Variants in METAP1 observed in about 807,000 individuals in gnomAD.
The protein encoded by METAP1 is methionyl aminopeptidase 1, also known as methionine aminopeptidase 1.
A neutral mutation model predicts 53.8 loss-of-function variants in METAP1; 28 were observed. The ratio of observed to expected loss-of-function variants is 0.52; its 90% CI spans 0.39 to 0.71. METAP1 has a LOEUF of 0.71. METAP1 is among the 30% of genes least tolerant of loss of function. The pLI is 0.00. For missense variants in METAP1, 389 were observed against 479.8 expected (o/e 0.81, Z 1.77); for synonymous variants, 181 against 165.7 (o/e 1.09, Z -0.71).
At chr4:99,058,284 T>TG (rs1727294373) in intron 10 of METAP1, among the ~76,000 whole-genome samples, 1 of 152,066 alleles carries the variant, frequency 6.6e-6, no homozygotes, top group African/African-American at 2.4e-5. Flanking sequence ...TTGAAGAGGG[T>TG]GGGTAGCTTG....
chr4:99,017,410 C>T (rs1723830794), intron 1 of METAP1, among the ~76,000 whole-genome samples: 1 of 152,262 alleles, frequency 6.6e-6, no homozygotes, highest in Non-Finnish European at 1.5e-5. Context: ...TCAGTTTCCT[C>T]AAGAGTTTCT....
At chr4:99,017,951 G>C (rs867397465) in intron 1 of METAP1, among the ~76,000 whole-genome samples, 2 of 152,172 alleles carry the variant, frequency 1.3e-5, no homozygotes, top group East Asian at 1.9e-4. Context: ...AAGATGAAAG[G>C]GTTTTTCTAA....
chr4:99,024,229 T>C (rs1283884829), intron 1 of METAP1, among the ~76,000 whole-genome samples: 3 of 152,190 alleles, frequency 2.0e-5, no homozygotes, highest in African/African-American at 4.8e-5. Flanking sequence ...GCTTGCTCAA[T>C]TGATCATGAC....
chr4:99,026,928 C>T, intron 1 of METAP1: 1 of 812,288 alleles, frequency 1.2e-6, no homozygotes, highest in Non-Finnish European at 1.5e-6. Context: ...GAAATACAAG[C>T]CCTTAGCTAA....
Position 99,004,048 on chromosome 4 carries a change from G to T in METAP1, c.114+8181G>T, listed in dbSNP as rs1050301194. Among the ~76,000 whole-genome samples, 4 of 152,268 alleles carry T rather than the reference G, an allele frequency of 2.6e-5. No individual in the cohort carries two copies. In the South Asian group the frequency reaches 8.3e-4, roughly 32 times the overall value. Reference sequence around the variant, plus strand: ...GGTTAATTTGCTAGAGCAGCTCACAGAACTCAGGAAAATACTTATTTTACT... The same window carrying T: ...GGTTAATTTGCTAGAGCAGCTCACATAACTCAGGAAAATACTTATTTTACT... On this transcript the variant is annotated intron_variant, in intron 1 of 10. Transcript: ENST00000296411.
At chr4:99,019,796 TA>T (rs1723977795) in intron 1 of METAP1, among the ~76,000 whole-genome samples, 1 of 152,240 alleles carries the variant, frequency 6.6e-6, no homozygotes, top group African/African-American at 2.4e-5. Context: ...CCTGGCCAAC[TA>T]TTGGTAACAA....
At position 99,048,785 on chromosome 4, in the gene METAP1, C is replaced by T; in HGVS notation, c.840C>T (p.Ala280=). ...RELGNIIQKH[A]QANGFSVVRS... ...TGGGAAACATTATCCAGAAGCATGC[C>T]CAAGCAAATGGGTTTTCAGTTGTTC... is the stretch of plus-strand genomic sequence containing the variant. Residue 280 remains alanine (A), a synonymous_variant, in exon 9 of 11, where the codon GCC becomes GCT. Coordinates refer to ENST00000296411, the MANE Select transcript of METAP1 (RefSeq NM_015143.3). The T allele has an allele frequency of 1.2e-6, 2 of 1,613,920 alleles. No homozygotes were observed. Among genetic ancestry groups the T allele is most frequent in the Non-Finnish European group, 1.7e-6 (2 of 1,179,852 alleles).
At chr4:99,028,592 T>C (rs992902416) in intron 1 of METAP1, among the ~76,000 whole-genome samples, 22 of 152,220 alleles carry the variant, frequency 1.4e-4, no homozygotes, top group Non-Finnish European at 2.1e-4. Flanking sequence ...TACTTCGTAA[T>C]AGTTTGTTGA....
chr4:99,033,441 T>G (rs1464395569), intron 2 of METAP1, among the ~76,000 whole-genome samples: 5 of 152,180 alleles, frequency 3.3e-5, no homozygotes, highest in African/African-American at 1.2e-4. Context: ...GAGTTTTATT[T>G]TACTATGTGA....
In METAP1 at chr4:99,035,393, T is replaced by G; in HGVS notation, c.280-7T>G. 1 of 1,542,038 alleles carries G rather than the reference T, an allele frequency of 6.5e-7. No homozygotes were observed. Among genetic ancestry groups the G allele is most frequent in the Non-Finnish European group, 8.8e-7 (1 of 1,138,602 alleles). On this transcript the variant is annotated splice_polypyrimidine_tract_variant and splice_region_variant and intron_variant, in intron 3 of 10. Transcript: ENST00000296411. ...GGTAAATCAGTTTTAACTAACTTTG[T>G]TTTTAGATGCCAACAAGGCCAGTGC...
At chr4:99,039,343 T>C in intron 4 of METAP1, 31 bp from the exon 5 acceptor site, 2 of 1,315,022 alleles carry the variant, frequency 1.5e-6, no homozygotes, top group South Asian at 2.4e-5. Flanking sequence ...TTGCATTCAT[T>C]TTGGTTTTAC....
intron 1 of METAP1, among the ~76,000 whole-genome samples, chr4:99,018,481 T>A (rs1038302270): frequency 1.3e-5 from 2 of 152,182 alleles, no homozygotes; most frequent in African/African-American, 4.8e-5. Flanking sequence ...CCTGGGGCAA[T>A]ACTATCCACC....
intron 4 of METAP1, among the ~76,000 whole-genome samples, chr4:99,036,589 A>G (rs1024386951): frequency 6.6e-6 from 1 of 152,082 alleles, no homozygotes; most frequent in Admixed American, 6.5e-5. Flanking sequence ...CAAATGGAAA[A>G]AACTATATTT....
At chr4:98,996,449 T>C (rs1174642286) in intron 1 of METAP1, among the ~76,000 whole-genome samples, 1 of 152,218 alleles carries the variant, frequency 6.6e-6, no homozygotes, top group Non-Finnish European at 1.5e-5. Context: ...TTCTTTGTGC[T>C]TTACTACCGT....
chr4:99,041,136 T>A lies in METAP1; in HGVS notation c.516+10T>A. On this transcript the variant is annotated intron_variant, in intron 6 of 10. Coordinates refer to ENST00000296411, the MANE Select transcript of METAP1 (RefSeq NM_015143.3). ...TCACGCTGTACACTTAGTAAGAACT[T>A]CACTTTTTTACTTTGAGTAATTTTG... 1 of 1,551,718 alleles carries A rather than the reference T, an allele frequency of 6.4e-7. No individual in the cohort carries two copies. Among genetic ancestry groups the A allele is most frequent in the Non-Finnish European group, 8.8e-7 (1 of 1,136,904 alleles).
At chr4:99,038,441 T>C (rs1470466424) in intron 4 of METAP1, among the ~76,000 whole-genome samples, 2 of 152,116 alleles carry the variant, frequency 1.3e-5, no homozygotes, top group Non-Finnish European at 2.9e-5. Flanking sequence ...GATGATTATT[T>C]ACTTTTACTT....
Position 99,043,381 on chromosome 4 carries a change from G to T in METAP1, c.649G>T (p.Val217Phe). The change falls in exon 7 of 11, where the codon GTT (valine) becomes TTT (phenylalanine). Residue 217 changes from valine to phenylalanine, a missense_variant. Val to Phe is a conservative substitution (Grantham distance 50). Transcript: ENST00000296411. ...DRRPLQEGDI[V>F]NVDITLYRNG... ...AAGGCCCTTACAAGAAGGTGACATT[G>T]TTAATGGTAAGAAAAATATGTTACT... The T allele has an allele frequency of 6.3e-7, 1 of 1,591,856 alleles. No individual in the cohort carries two copies.
rs914288741 is a variant in METAP1, at chr4:99,045,397, G to A, written c.787+87G>A. The A allele has an allele frequency of 4.1e-6, 6 of 1,458,372 alleles. No individual in the cohort carries two copies. In the Admixed American group the frequency reaches 6.5e-5, roughly 16 times the overall value. 90.3% of individuals were successfully genotyped at this position (1,458,372 alleles called of 1,614,324 possible). A position where few individuals can be genotyped will look rare whatever the true frequency, so the allele number is the denominator to read the frequency against. On this transcript the variant is annotated intron_variant, in intron 8 of 10. Coordinates refer to ENST00000296411, the MANE Select transcript of METAP1 (RefSeq NM_015143.3). Reference sequence around the variant, plus strand: ...GGCGCTGCAGTTCTGTGCATTCCTTGTACCTTCCAGGTTGCCCCTGTTCTA... The same window carrying A: ...GGCGCTGCAGTTCTGTGCATTCCTTATACCTTCCAGGTTGCCCCTGTTCTA...
intron 1 of METAP1, among the ~76,000 whole-genome samples, chr4:99,018,464 C>A (rs1009816745): frequency 6.6e-6 from 1 of 152,074 alleles, no homozygotes; most frequent in African/African-American, 2.4e-5. Context: ...TCAGTGAATC[C>A]TCAAATCCTG....
Sources: gnomAD v4.1 joint callset for allele counts (sites outside exome capture counted in the v4.1 genomes callset) on GRCh38, gnomAD v4.1.1 for gene constraint, MANE v1.5 for transcripts, NCBI Gene and HGNC (gene_info 2026-07-23, HGNC 2026-07-21) for gene names.